The following UBXN2A variants were observed in gnomAD, a reference collection of about 807,000 sequenced individuals.
UBXN2A encodes the protein UBX domain protein 2A, also known as UBX domain-containing protein 2A.
A neutral mutation model predicts 28.4 loss-of-function variants in UBXN2A; 28 were observed. The ratio of observed to expected loss-of-function variants is 0.99; its 90% CI spans 0.73 to 1.35. The LOEUF (loss-of-function observed/expected upper bound fraction) is 1.35, where lower values mean the gene tolerates loss of function less well. Ranked by LOEUF, UBXN2A falls within the 40% of genes most tolerant of loss-of-function variation. The pLI, the probability that UBXN2A is intolerant of heterozygous loss-of-function variation, is 0.00. For synonymous variants in UBXN2A, 97 were observed against 103.6 expected (o/e 0.94, Z 0.39); for missense variants, 253 against 297.9 (o/e 0.85, Z 1.11).
At chr2:23,965,317 GT>G (rs752185108) in intron 2 of UBXN2A, among the ~76,000 whole-genome samples, 1 of 152,158 alleles carries the variant, frequency 6.6e-6, no homozygotes, top group Non-Finnish European at 1.5e-5. Context: ...AAAGCATCTA[GT>G]TTCTCCTGAT....
intron 1 of UBXN2A, among the ~76,000 whole-genome samples, chr2:23,932,629 C>G (rs1055487014): frequency 1.3e-5 from 2 of 152,048 alleles, no homozygotes; most frequent in African/African-American, 4.8e-5. Flanking sequence ...CTGAATTCAC[C>G]AAGGCTAGGT....
chr2:23,950,606 G>A (rs1342831448), intron 1 of UBXN2A, among the ~76,000 whole-genome samples: 3 of 151,566 alleles, frequency 2.0e-5, no homozygotes, highest in Admixed American at 1.3e-4. Context: ...GTTTCACCAT[G>A]TTGGCTGGGT....
At chr2:23,988,889 CT>C (rs1312221121) in intron 6 of UBXN2A, among the ~76,000 whole-genome samples, 1 of 152,124 alleles carries the variant, frequency 6.6e-6, no homozygotes, top group Admixed American at 6.5e-5. Flanking sequence ...AAACTGATTC[CT>C]GTGTTATTTT....
At chr2:23,949,885 A>AAG (rs1322885699) in intron 1 of UBXN2A, among the ~76,000 whole-genome samples, 10 of 151,910 alleles carry the variant, frequency 6.6e-5, no homozygotes, top group Admixed American at 5.9e-4. Context: ...AAAAAAAAAA[A>AAG]AATTATTTGT....
At chr2:23,963,257 C>T (rs1188418159) in intron 2 of UBXN2A, among the ~76,000 whole-genome samples, 1 of 151,924 alleles carries the variant, frequency 6.6e-6, no homozygotes, top group East Asian at 1.9e-4. Context: ...TGGCTCACAC[C>T]CATAATCCCA....
At chr2:23,976,768 A>G (rs951577437) in intron 3 of UBXN2A, among the ~76,000 whole-genome samples, 1 of 152,090 alleles carries the variant, frequency 6.6e-6, no homozygotes, top group Non-Finnish European at 1.5e-5. Flanking sequence ...TTTTGTGGAA[A>G]CTGGGTCTCG....
chr2:23,957,301 C>T (rs1706674066), intron 1 of UBXN2A, among the ~76,000 whole-genome samples: 1 of 151,660 alleles, frequency 6.6e-6, no homozygotes, highest in Admixed American at 6.6e-5. Flanking sequence ...ACCATAATGC[C>T]TGGCTAACTT....
upstream of UBXN2A, among the ~76,000 whole-genome samples, chr2:23,939,110 C>T (rs1159648858): frequency 6.6e-6 from 1 of 152,130 alleles, no homozygotes; most frequent in South Asian, 2.1e-4. Context: ...AAATAAATCC[C>T]GATTTAGGCA....
chr2:23,933,317 A>G (rs1705430739), intron 1 of UBXN2A, among the ~76,000 whole-genome samples: 1 of 151,396 alleles, frequency 6.6e-6, no homozygotes, highest in Admixed American at 6.6e-5. Context: ...GACCAGCCTG[A>G]CCAACATGGA....
intron 1 of UBXN2A, among the ~76,000 whole-genome samples, chr2:23,957,983 C>G (rs994553752): frequency 6.6e-6 from 1 of 152,242 alleles, no homozygotes; most frequent in African/African-American, 2.4e-5. Flanking sequence ...AATTCCTTGG[C>G]TTCAGCAATC....
intron 6 of UBXN2A, among the ~76,000 whole-genome samples, chr2:23,990,939 TCTC>T (rs1218174908): frequency 3.3e-5 from 5 of 152,096 alleles, no homozygotes; most frequent in South Asian, 2.1e-4. Flanking sequence ...TGACTACTCT[TCTC>T]CTACCCACCA....
intron 1 of UBXN2A, among the ~76,000 whole-genome samples, chr2:23,927,976 G>C (rs576000306): frequency 6.6e-6 from 1 of 152,062 alleles, no homozygotes; most frequent in Non-Finnish European, 1.5e-5. Flanking sequence ...AAGAGTTCTA[G>C]ATCAGCCTTA....
intron 5 of UBXN2A, among the ~76,000 whole-genome samples, chr2:23,983,447 C>T (rs370789942): frequency 1.2e-3 from 183 of 152,018 alleles, no homozygotes; most frequent in African/African-American, 4.0e-3. Context: ...GCAGAGATTG[C>T]GGTGAGCCGA....
intron 3 of UBXN2A, among the ~76,000 whole-genome samples, chr2:23,972,679 G>C (rs1390373067): frequency 6.6e-6 from 1 of 151,924 alleles, no homozygotes; most frequent in South Asian, 2.1e-4. Flanking sequence ...AAAAGTAGCC[G>C]GGTGTGGTGG....
At chr2:23,983,143 T>C in intron 5 of UBXN2A, 110 bp downstream of exon 5, 3 of 1,236,434 alleles carry the variant, frequency 2.4e-6, no homozygotes, top group Non-Finnish European at 3.1e-6. Flanking sequence ...ATTTCTCCCA[T>C]TGGAAATCAG....
At chr2:23,977,622 CAA>C (rs1707726841) in intron 4 of UBXN2A, among the ~76,000 whole-genome samples, 1 of 152,068 alleles carries the variant, frequency 6.6e-6, no homozygotes, top group African/African-American at 2.4e-5. Flanking sequence ...GCCTGGACAA[CAA>C]GAGCAAAACT....
At chr2:23,965,867 A>G (rs1707139134) in intron 2 of UBXN2A, among the ~76,000 whole-genome samples, 1 of 152,136 alleles carries the variant, frequency 6.6e-6, no homozygotes, top group African/African-American at 2.4e-5. Flanking sequence ...AAGGTTATAT[A>G]TTATTGATTT....
chr2:23,964,935 G>T (rs1390025866), intron 2 of UBXN2A, among the ~76,000 whole-genome samples: 1 of 152,112 alleles, frequency 6.6e-6, no homozygotes, highest in African/African-American at 2.4e-5. Context: ...CTTGACCCCA[G>T]GAGTTCAAGA....
chr2:23,964,075 T>G (rs1267260294), intron 2 of UBXN2A, among the ~76,000 whole-genome samples: 1 of 150,376 alleles, frequency 6.6e-6, no homozygotes, highest in Non-Finnish European at 1.5e-5. Flanking sequence ...TAGGCTGCAG[T>G]GAACCATGAT....
Sources: gnomAD v4.1 joint callset for allele counts (sites outside exome capture counted in the v4.1 genomes callset) on GRCh38, gnomAD v4.1.1 for gene constraint, MANE v1.5 for transcripts, NCBI Gene and HGNC (gene_info 2026-07-23, HGNC 2026-07-21) for gene names.